The following TEX9 variants were observed in gnomAD, a reference collection of about 807,000 sequenced individuals.
TEX9 encodes the protein testis expressed 9.
TEX9 carries 74 observed loss-of-function variants against 59.6 expected under a neutral mutation model. That is an observed-to-expected ratio of 1.24 (90% confidence interval 1.03 to 1.51). The LOEUF is 1.51. Ranked by LOEUF, TEX9 falls within the 40% of genes most tolerant of loss-of-function variation. The pLI is 0.00. For missense variants in TEX9, 522 were observed against 447.8 expected (o/e 1.17, Z -1.49); for synonymous variants, 186 against 152.2 (o/e 1.22, Z -1.64).
chr15:56,423,777 T>A (rs1255049924), intron 10 of TEX9, among the ~76,000 whole-genome samples: 2 of 152,152 alleles, frequency 1.3e-5, no homozygotes, highest in African/African-American at 4.8e-5. Context: ...ATATTTTTTC[T>A]TTATTATTTC....
chr15:56,322,045 A>G (rs2045915452), intron 1 of TEX9, among the ~76,000 whole-genome samples: 1 of 152,130 alleles, frequency 6.6e-6, no homozygotes, highest in Non-Finnish European at 1.5e-5. Flanking sequence ...TCATATAAGT[A>G]TACAGCACAA....
At chr15:56,264,696 T>G (rs2044340912) in intron 1 of TEX9, among the ~76,000 whole-genome samples, 1 of 152,226 alleles carries the variant, frequency 6.6e-6, no homozygotes, top group South Asian at 2.1e-4. Flanking sequence ...CACAAAGACT[T>G]TATCCTACAT....
chr15:56,307,751 A>C (rs2045517025), intron 1 of TEX9, among the ~76,000 whole-genome samples: 1 of 152,168 alleles, frequency 6.6e-6, no homozygotes, highest in African/African-American at 2.4e-5. Context: ...CCCTGCCCCC[A>C]GTCTCTGAGT....
rs537397685 is a variant in TEX9 at position 56,348,121 on chromosome 15, A to G, written c.-106-25320A>G. On this transcript the variant is annotated intron_variant, in intron 1 of 5. Transcript: ENST00000560827. ...TGTTATAATTTTACAAGATACCACCATTGGATGAAACTGAGTGAAGGTGCA... is the reference window on the plus strand; with the variant it reads ...TGTTATAATTTTACAAGATACCACCGTTGGATGAAACTGAGTGAAGGTGCA... 8.2e-4 allele frequency among the ~76,000 whole-genome samples: 125 copies of G among 152,268 alleles called. 1 individual carries two copies. The highest frequency in any genetic ancestry group is 1.5e-3 in the Non-Finnish European group (102 of 67,972).
exon 12 of TEX9, chr15:56,428,422 C>T (rs775832653): frequency 6.2e-7 from 1 of 1,611,716 alleles, no homozygotes; most frequent in South Asian, 1.1e-5. Flanking sequence ...TTTATGAAAG[C>T]ACTTGAATGG....
intron 1 of TEX9, among the ~76,000 whole-genome samples, chr15:56,252,190 T>C (rs2044038154): frequency 6.6e-6 from 1 of 152,158 alleles, no homozygotes; most frequent in Non-Finnish European, 1.5e-5. Context: ...TATCTCATTG[T>C]AGGCTAATTG....
At chr15:56,307,788 G>A (rs1219562542) in intron 1 of TEX9, among the ~76,000 whole-genome samples, 1 of 152,076 alleles carries the variant, frequency 6.6e-6, no homozygotes, top group Admixed American at 6.5e-5. Flanking sequence ...TCTACTTTCT[G>A]TCTTTATGGA....
At chr15:56,265,307 C>A (rs1174928607) in intron 1 of TEX9, among the ~76,000 whole-genome samples, 1 of 151,706 alleles carries the variant, frequency 6.6e-6, no homozygotes, top group African/African-American at 2.4e-5. Context: ...GCTGAAACTA[C>A]AGGAATGTGC....
At chr15:56,299,477 G>C (rs1049812395) in intron 1 of TEX9, among the ~76,000 whole-genome samples, 2 of 152,148 alleles carry the variant, frequency 1.3e-5, no homozygotes, top group African/African-American at 4.8e-5. Context: ...TAGAATTCCT[G>C]GTCAAATCCT....
intron 1 of TEX9, among the ~76,000 whole-genome samples, chr15:56,307,194 C>A (rs1296846996): frequency 6.6e-6 from 1 of 152,192 alleles, no homozygotes; most frequent in Non-Finnish European, 1.5e-5. Flanking sequence ...ATATAAGAAG[C>A]TGTTCACTGA....
At chr15:56,383,108 G>A (rs2047804997) in intron 3 of TEX9, among the ~76,000 whole-genome samples, 1 of 152,218 alleles carries the variant, frequency 6.6e-6, no homozygotes, top group Non-Finnish European at 1.5e-5. Flanking sequence ...AGCTGGTCCA[G>A]ATGCTTCCTC....
At chr15:56,371,145 G>A (rs2047175583) in intron 2 of TEX9, among the ~76,000 whole-genome samples, 1 of 152,144 alleles carries the variant, frequency 6.6e-6, no homozygotes, top group Non-Finnish European at 1.5e-5. Context: ...ACTGCACCCA[G>A]GCCTCTCTGG....
intron 10 of TEX9, among the ~76,000 whole-genome samples, chr15:56,415,671 A>G (rs1464094534): frequency 6.6e-6 from 1 of 151,908 alleles, no homozygotes; most frequent in African/African-American, 2.4e-5. Flanking sequence ...GAAGTCACAC[A>G]GTGTGCCTCC....
chr15:56,293,272 G>C (rs1387004691), intron 1 of TEX9, among the ~76,000 whole-genome samples: 3 of 152,032 alleles, frequency 2.0e-5, no homozygotes, highest in Non-Finnish European at 2.9e-5. Flanking sequence ...AAGAGTTTGC[G>C]GACACAGTAA....
chr15:56,365,054 T>A (rs780101398), upstream of TEX9, among the ~76,000 whole-genome samples: 18 of 152,204 alleles, frequency 1.2e-4, no homozygotes, highest in Non-Finnish European at 2.2e-4. Context: ...AACTTCTGAA[T>A]TCCACTGAAG....
chr15:56,331,404 A>T (rs1044691900), intron 1 of TEX9, among the ~76,000 whole-genome samples: 10 of 152,222 alleles, frequency 6.6e-5, no homozygotes, highest in African/African-American at 2.4e-4. Context: ...TATGTTAGCA[A>T]CAAAGGAAGT....
chr15:56,283,949 G>A (rs1481857095), intron 1 of TEX9, among the ~76,000 whole-genome samples: 1 of 152,112 alleles, frequency 6.6e-6, no homozygotes, highest in Non-Finnish European at 1.5e-5. Flanking sequence ...ATAGTAATCA[G>A]AAAACTGCAA....
intron 1 of TEX9, among the ~76,000 whole-genome samples, chr15:56,278,545 A>T (rs981603649): frequency 6.6e-6 from 1 of 152,180 alleles, no homozygotes; most frequent in African/African-American, 2.4e-5. Context: ...AAATTTTGAG[A>T]TTAGCTTTTT....
chr15:56,314,674 T>C (rs2141650282), intron 1 of TEX9, among the ~76,000 whole-genome samples: 1 of 152,320 alleles, frequency 6.6e-6, no homozygotes, highest in African/African-American at 2.4e-5. Flanking sequence ...GTCTTCTTGG[T>C]GCAGAGCTGA....
Sources: allele counts gnomAD v4.1 joint callset (sites outside exome capture counted in the v4.1 genomes callset), GRCh38; gene constraint gnomAD v4.1.1; transcripts MANE v1.5; gene names NCBI Gene and HGNC (gene_info 2026-07-23, HGNC 2026-07-21).